Variants in BCR observed in about 807,000 individuals in gnomAD.
BCR encodes the protein breakpoint cluster region protein.
A neutral mutation model predicts 138.6 loss-of-function variants in BCR; 58 were observed. The ratio of observed to expected loss-of-function variants is 0.42; its 90% CI spans 0.34 to 0.52. The LOEUF (loss-of-function observed/expected upper bound fraction) is 0.52. Among genes scored for constraint, BCR ranks in the 20% least tolerant of loss-of-function variants. The pLI is 0.06. For missense variants in BCR, 1,599 were observed against 1,727.2 expected (o/e 0.93, Z 1.32); for synonymous variants, 786 against 730.1 (o/e 1.08, Z -1.23).
chr22:23,254,576 C>CA (rs752494091), intron 2 of BCR: 11 of 518,852 alleles, frequency 2.1e-5, no homozygotes, highest in South Asian at 1.3e-4. Flanking sequence ...CACGCCCCCC[C>CA]TCACATGAGA....
intron 16 of BCR, among the ~76,000 whole-genome samples, chr22:23,296,373 C>CAAAAAAA (rs996139532): frequency 1.8e-5 from 1 of 56,686 alleles, no homozygotes; most frequent in African/African-American, 6.3e-5. Context: ...GAGTCCGTCT[C>CAAAAAAA]AAAAAAAAAA....
intron 1 of BCR, among the ~76,000 whole-genome samples, chr22:23,192,129 A>T (rs2072423177): frequency 6.6e-6 from 1 of 152,178 alleles, no homozygotes; most frequent in Admixed American, 6.5e-5. Flanking sequence ...CTGAAGTAGT[A>T]AATATGACTT....
intron 1 of BCR, among the ~76,000 whole-genome samples, chr22:23,195,783 G>T (rs1602001622): frequency 6.6e-6 from 1 of 152,180 alleles, no homozygotes; most frequent in Non-Finnish European, 1.5e-5. Flanking sequence ...AGCTACTCGG[G>T]AGGCTGAGGT....
At chr22:23,216,657 G>A (rs1486451227) in intron 1 of BCR, among the ~76,000 whole-genome samples, 2 of 152,238 alleles carry the variant, frequency 1.3e-5, no homozygotes, top group African/African-American at 4.8e-5. Flanking sequence ...AGTGCCATCT[G>A]GCTTGGTATG....
At chr22:23,234,705 GGGGACCCA>G (rs1399639930) in intron 1 of BCR, among the ~76,000 whole-genome samples, 1 of 106,322 alleles carries the variant, frequency 9.4e-6, no homozygotes, top group African/African-American at 2.7e-5. Flanking sequence ...GGAGCACCCA[GGGGACCCA>G]GGCTGATCAG....
intron 1 of BCR, among the ~76,000 whole-genome samples, chr22:23,245,259 G>A (rs958608612): frequency 6.6e-6 from 1 of 152,132 alleles, no homozygotes; most frequent in African/African-American, 2.4e-5. Context: ...CAGGGAGCAG[G>A]ACAGGCTCAG....
At chr22:23,308,824 T>C (rs535973114) in intron 16 of BCR, among the ~76,000 whole-genome samples, 8 of 150,514 alleles carry the variant, frequency 5.3e-5, no homozygotes, top group African/African-American at 1.8e-4. Flanking sequence ...AGGCTAGCTG[T>C]CTGGATAGTG....
chr22:23,259,608 C>G (rs2073334431), intron 2 of BCR, among the ~76,000 whole-genome samples: 1 of 152,066 alleles, frequency 6.6e-6, no homozygotes, highest in Admixed American at 6.5e-5. Context: ...CCTCCCCCTC[C>G]TGTGTTCAGG....
At chr22:23,246,416 G>T (rs2073157538) in intron 1 of BCR, among the ~76,000 whole-genome samples, 1 of 152,182 alleles carries the variant, frequency 6.6e-6, no homozygotes, top group South Asian at 2.1e-4. Context: ...CATTTGGATT[G>T]TTTCTACCTC....
At chr22:23,209,895 A>G (rs903917298) in intron 1 of BCR, among the ~76,000 whole-genome samples, 3 of 152,138 alleles carry the variant, frequency 2.0e-5, no homozygotes, top group African/African-American at 7.2e-5. Flanking sequence ...CCCCTGAGTA[A>G]CTGTGATTAC....
chr22:23,190,907 A>G (rs1052783552), intron 1 of BCR, among the ~76,000 whole-genome samples: 1 of 151,588 alleles, frequency 6.6e-6, no homozygotes, highest in African/African-American at 2.4e-5. Context: ...AGCTTCTTTA[A>G]TTTTTTTCTT....
chr22:23,198,798 G>A (rs1206494230), intron 1 of BCR, among the ~76,000 whole-genome samples: 1 of 152,132 alleles, frequency 6.6e-6, no homozygotes, highest in Non-Finnish European at 1.5e-5. Flanking sequence ...TTGTTCCCTG[G>A]AGCAGCTGGT....
chr22:23,201,455 T>TTTTTTTTTTG (rs2072552385), intron 1 of BCR, among the ~76,000 whole-genome samples: 1 of 151,570 alleles, frequency 6.6e-6, no homozygotes, highest in Non-Finnish European at 1.5e-5. Flanking sequence ...GTGAATCTGG[T>TTTTTTTTTTG]TTTTTTGTTT....
rs1490658127 is a variant in BCR, at chr22:23,313,030, T to TGAA, written c.3457+10_3457+11insAAG. 3 of 1,559,298 alleles carry TGAA rather than the reference T, an allele frequency of 1.9e-6. No homozygotes were observed. The East Asian group carries it at 6.9e-5, about 36-fold the overall frequency. On this transcript the variant is annotated intron_variant, in intron 20 of 22. Coordinates refer to ENST00000305877, the MANE Select transcript of BCR (RefSeq NM_004327.4). ...CTTCGCAGAGGGCATCGGTGAGCAC[T>TGAA]GGAGGCCTTGGCCTCATGGGAGACG... is the stretch of plus-strand genomic sequence containing the variant.
chr22:23,298,537 C>CCCTT (rs1211869992), intron 16 of BCR, among the ~76,000 whole-genome samples: 1 of 117,586 alleles, frequency 8.5e-6, no homozygotes, highest in African/African-American at 3.9e-5. Context: ...TTCCTTCCTT[C>CCCTT]CCTTCCTTCC....
chr22:23,247,741 G>A (rs932292488), intron 1 of BCR, among the ~76,000 whole-genome samples: 2 of 152,156 alleles, frequency 1.3e-5, no homozygotes, highest in Non-Finnish European at 2.9e-5. Context: ...CATTTCCTGG[G>A]AGCCCACCGT....
chr22:23,190,945 T>C (rs1421529688), intron 1 of BCR, among the ~76,000 whole-genome samples: 2 of 152,218 alleles, frequency 1.3e-5, no homozygotes, highest in African/African-American at 4.8e-5. Context: ...ACCTTTTTTT[T>C]TAATAGATAA....
chr22:23,301,802 G>A (rs1292470856), intron 16 of BCR, among the ~76,000 whole-genome samples: 1 of 152,216 alleles, frequency 6.6e-6, no homozygotes, highest in African/African-American at 2.4e-5. Context: ...TCCATGACTA[G>A]GGTGGCACAG....
intron 1 of BCR, among the ~76,000 whole-genome samples, chr22:23,217,878 C>T (rs996225385): frequency 1.3e-5 from 2 of 152,172 alleles, no homozygotes; most frequent in African/African-American, 4.8e-5. Flanking sequence ...CAGCTGTGGC[C>T]GCCTGCTCGG....
Sources: allele counts gnomAD v4.1 joint callset (sites outside exome capture counted in the v4.1 genomes callset), GRCh38; gene constraint gnomAD v4.1.1; transcripts MANE v1.5; gene names NCBI Gene and HGNC (gene_info 2026-07-23, HGNC 2026-07-21).